MOXD1: variants seen among roughly 807,000 people sequenced by gnomAD.
The protein encoded by MOXD1 is monooxygenase DBH like 1.
A neutral mutation model predicts 66.6 loss-of-function variants in MOXD1; 62 were observed. The observed-to-expected ratio is 0.93, with a 90% CI of 0.76 to 1.15. MOXD1 has a LOEUF of 1.15. Among genes scored for constraint, MOXD1 ranks in the 50% most tolerant of loss-of-function variants. The pLI, the probability that MOXD1 is intolerant of heterozygous loss-of-function variation, is 0.00. For synonymous variants in MOXD1, 303 were observed against 281.9 expected (o/e 1.07, Z -0.75); for missense variants, 847 against 754.6 (o/e 1.12, Z -1.44).
Position 132,372,908 on chromosome 6 carries a change from C to T in MOXD1, c.501G>A (p.Lys167=). 3.1e-6 allele frequency: 5 copies of T among 1,614,046 alleles called. No individual in the cohort carries two copies. Among genetic ancestry groups the T allele is most frequent in the Non-Finnish European group, 4.2e-6 (5 of 1,179,938 alleles). The part of the protein sequence containing the change: ...PKYHDSNRGT[K]SLRLLNPEKT... ...TCTCAGGATTCAATAACCGCAAACT[C>T]TTGGTGCCCCTATTGGAGTCATGGT... Residue 167 remains lysine (K), a synonymous_variant, in exon 3 of 12, where the codon AAG becomes AAA. Coordinates refer to ENST00000367963, the MANE Select transcript of MOXD1 (RefSeq NM_015529.4).
intron 1 of MOXD1, among the ~76,000 whole-genome samples, chr6:132,388,573 T>C (rs1164542425): frequency 6.6e-6 from 1 of 151,374 alleles, no homozygotes; most frequent in Non-Finnish European, 1.5e-5. Context: ...TCCTCCTCCC[T>C]TCTGCAACTA....
chr6:132,392,157 G>A (rs1436062639), intron 1 of MOXD1: 25 of 1,528,448 alleles, frequency 1.6e-5, no homozygotes, highest in East Asian at 1.2e-4. Context: ...GAAGCACATC[G>A]TTAACCACAA....
chr6:132,364,491 A>G (rs1015832770), intron 4 of MOXD1, among the ~76,000 whole-genome samples: 1 of 152,178 alleles, frequency 6.6e-6, no homozygotes, highest in African/African-American at 2.4e-5. Flanking sequence ...TTTGCAAGTC[A>G]AGATGCAAGC....
intron 1 of MOXD1, among the ~76,000 whole-genome samples, chr6:132,384,116 A>G (rs1259934691): frequency 2.0e-5 from 3 of 152,108 alleles, no homozygotes; most frequent in Admixed American, 1.3e-4. Flanking sequence ...TTTTGCAAGG[A>G]ATAAATTTTG....
rs1774528528 is a variant in MOXD1 at position 132,301,199 on chromosome 6, TA to T, written c.1509-3245del. 5.1e-3 allele frequency among the ~76,000 whole-genome samples: 110 copies of T among 21,566 alleles called. No homozygotes were observed. The African/African-American group carries it at 0.16, about 31-fold the overall frequency. The allele number at this position is 21,566 out of a possible 152,430, so 14.1% of individuals were successfully genotyped here. A position where few individuals can be genotyped will look rare whatever the true frequency, so the allele number is the denominator to read the frequency against. On this transcript the variant is annotated intron_variant, in intron 10 of 11. Coordinates refer to ENST00000367963, the MANE Select transcript of MOXD1 (RefSeq NM_015529.4). ...ATACATACATGTAAACGAATGGTAT[TA>T]TATATATATATATATATATATATTA...
intron 4 of MOXD1, among the ~76,000 whole-genome samples, chr6:132,344,865 G>A (rs1775638905): frequency 6.6e-6 from 1 of 152,142 alleles, no homozygotes; most frequent in Admixed American, 6.5e-5. Context: ...GCTGAAAGCT[G>A]TTTCATCACT....
At chr6:132,338,491 G>A (rs759192221) in intron 4 of MOXD1, among the ~76,000 whole-genome samples, 1 of 152,158 alleles carries the variant, frequency 6.6e-6, no homozygotes, top group South Asian at 2.1e-4. Context: ...TTGCCCAGAT[G>A]GGACATGTTC....
chr6:132,313,706 G>A (rs1251669528), intron 10 of MOXD1, among the ~76,000 whole-genome samples: 1 of 152,138 alleles, frequency 6.6e-6, no homozygotes, highest in Non-Finnish European at 1.5e-5. Context: ...CTGAGGTCAG[G>A]AGTTCGAGAC....
At chr6:132,382,489 A>T (rs1005649748) in intron 1 of MOXD1, among the ~76,000 whole-genome samples, 1 of 151,928 alleles carries the variant, frequency 6.6e-6, no homozygotes, top group Admixed American at 6.6e-5. Context: ...CTGAGGTATG[A>T]TTTTTTTGGT....
chr6:132,327,571 A>G (rs909944680), intron 6 of MOXD1, among the ~76,000 whole-genome samples: 1 of 152,224 alleles, frequency 6.6e-6, no homozygotes, highest in African/African-American at 2.4e-5. Context: ...GTCACTGCAT[A>G]AGTACTTTTT....
chr6:132,310,946 C>T (rs1422127784), intron 10 of MOXD1, among the ~76,000 whole-genome samples: 3 of 152,100 alleles, frequency 2.0e-5, no homozygotes, highest in South Asian at 2.1e-4. Context: ...GCACATTCTG[C>T]ACATGTATCC....
chr6:132,378,727 T>C (rs909195921), intron 1 of MOXD1, among the ~76,000 whole-genome samples: 1 of 151,992 alleles, frequency 6.6e-6, no homozygotes, highest in Non-Finnish European at 1.5e-5. Flanking sequence ...TCTGAATAGC[T>C]TTATAATCTA....
intron 1 of MOXD1, among the ~76,000 whole-genome samples, chr6:132,384,048 G>A (rs747276781): frequency 4.6e-5 from 7 of 152,126 alleles, no homozygotes; most frequent in Non-Finnish European, 1.0e-4. Context: ...CAGCCTGGGC[G>A]GCAGAGCAAG....
intron 10 of MOXD1, among the ~76,000 whole-genome samples, chr6:132,300,051 G>C (rs1774497748): frequency 6.6e-6 from 1 of 151,846 alleles, no homozygotes; most frequent in Admixed American, 6.6e-5. Context: ...TAATAAGTGA[G>C]ACAATGAGGA....
intron 9 of MOXD1, among the ~76,000 whole-genome samples, chr6:132,317,366 T>G (rs1282421102): frequency 3.3e-5 from 5 of 152,182 alleles, no homozygotes; most frequent in African/African-American, 9.6e-5. Flanking sequence ...GAAGTTGCAT[T>G]TGATGCCTCA....
intron 10 of MOXD1, among the ~76,000 whole-genome samples, chr6:132,311,968 G>A (rs1774840215): frequency 6.6e-6 from 1 of 151,940 alleles, no homozygotes; most frequent in Non-Finnish European, 1.5e-5. Context: ...AGCTATTGAT[G>A]CTTTTTTAGG....
intron 7 of MOXD1, 48 bp from the exon 8 acceptor site, chr6:132,322,918 T>C (rs1016552559): frequency 2.0e-6 from 3 of 1,485,960 alleles, no homozygotes; most frequent in Admixed American, 4.5e-5. Flanking sequence ...TTAATGCATG[T>C]TCAGACAGTT....
intron 4 of MOXD1, among the ~76,000 whole-genome samples, chr6:132,351,656 A>T (rs1335635975): frequency 6.6e-6 from 1 of 152,194 alleles, no homozygotes; most frequent in East Asian, 1.9e-4. Context: ...CTGGTTTCAT[A>T]GAATGAATTA....
intron 4 of MOXD1, among the ~76,000 whole-genome samples, chr6:132,352,783 T>C (rs1054448083): frequency 6.6e-6 from 1 of 152,226 alleles, no homozygotes; most frequent in African/African-American, 2.4e-5. Context: ...CTTAGTTCTA[T>C]TAGTAACTGT....
Sources: gnomAD v4.1 joint callset for allele counts (sites outside exome capture counted in the v4.1 genomes callset) on GRCh38, gnomAD v4.1.1 for gene constraint, MANE v1.5 for transcripts, NCBI Gene and HGNC (gene_info 2026-07-23, HGNC 2026-07-21) for gene names.